The following PCNX2 variants were observed in gnomAD, a reference collection of about 807,000 sequenced individuals.
PCNX2 encodes the protein pecanex 2, also known as pecanex-like protein 2.
A neutral mutation model predicts 223.8 loss-of-function variants in PCNX2; 168 were observed. The observed-to-expected ratio is 0.75, with a 90% CI of 0.66 to 0.85. The LOEUF (loss-of-function observed/expected upper bound fraction) is 0.85. Among genes scored for constraint, PCNX2 ranks in the 40% least tolerant of loss-of-function variants. The pLI, the probability that PCNX2 is intolerant of heterozygous loss-of-function variation, is 0.00. For synonymous variants in PCNX2, 1,006 were observed against 1,052.6 expected, an observed-to-expected ratio of 0.96 and a Z score of 0.86; for missense variants, 2,507 against 2,675.5, an observed-to-expected ratio of 0.94 and a Z score of 1.39.
intron 17 of PCNX2, among the ~76,000 whole-genome samples, chr1:233,173,964 A>G (rs542470938): frequency 2.0e-5 from 3 of 150,908 alleles, no homozygotes; most frequent in African/African-American, 7.3e-5. Flanking sequence ...TTTTATATAC[A>G]CATATAAATC....
At position 233,170,759 on chromosome 1, in the gene PCNX2, T is replaced by A. The variant is rs576377602; in HGVS notation, c.3273+7043A>T. ...AGTATAGTATGACATATTAGTCCAA[T>A]TTCCTTTTGTTATTTGTGAATCACT... On this transcript the variant is annotated intron_variant, in intron 17 of 33. Coordinates refer to ENST00000258229, the MANE Select transcript of PCNX2 (RefSeq NM_014801.4). Among the ~76,000 whole-genome samples the A allele has an allele frequency of 9.2e-5, 14 of 152,354 alleles. No individual in the cohort carries two copies. In the East Asian group the frequency reaches 2.5e-3, roughly 27 times the overall value.
chr1:233,174,339 C>T (rs1334665428), intron 17 of PCNX2, among the ~76,000 whole-genome samples: 2 of 146,188 alleles, frequency 1.4e-5, no homozygotes, highest in African/African-American at 5.0e-5. Flanking sequence ...TTTAGAAGTT[C>T]TGGCCAGTGT....
chr1:233,066,786 C>A (rs1461792231), intron 23 of PCNX2, among the ~76,000 whole-genome samples: 2 of 152,162 alleles, frequency 1.3e-5, no homozygotes, highest in Non-Finnish European at 2.9e-5. Flanking sequence ...TCCTCCCTTG[C>A]CAGGCAATAA....
chr1:233,165,517 C>G (rs1447977093), intron 17 of PCNX2, among the ~76,000 whole-genome samples: 2 of 152,108 alleles, frequency 1.3e-5, no homozygotes, highest in Non-Finnish European at 2.9e-5. Context: ...GGTTGAGAAA[C>G]CTTAATGGAG....
intron 21 of PCNX2, 161 bp downstream of exon 21, chr1:233,134,852 T>C: frequency 3.1e-6 from 2 of 648,564 alleles, no homozygotes; most frequent in Non-Finnish European, 5.2e-6. Flanking sequence ...CCATGGGCAG[T>C]TTTCCCCAAA....
chr1:233,182,694 T>C (rs1679872118), intron 15 of PCNX2, among the ~76,000 whole-genome samples: 1 of 152,102 alleles, frequency 6.6e-6, no homozygotes, highest in East Asian at 1.9e-4. Context: ...TTTGCCTACA[T>C]GGTTCCATCT....
intron 7 of PCNX2, among the ~76,000 whole-genome samples, 154 bp downstream of exon 7, chr1:233,252,200 A>G (rs1659496780): frequency 6.6e-6 from 1 of 152,376 alleles, no homozygotes; most frequent in East Asian, 1.9e-4. Context: ...GATGGGAGGC[A>G]GCACACTCCA....
intron 25 of PCNX2, among the ~76,000 whole-genome samples, chr1:233,038,382 A>G (rs1671530273): frequency 6.6e-6 from 1 of 152,210 alleles, no homozygotes; most frequent in Non-Finnish European, 1.5e-5. Context: ...ATTAAAGAAT[A>G]TTTAATTTGC....
rs573804854 is a variant in PCNX2, at chr1:233,231,726, T to C, written c.2359-4355A>G. On this transcript the variant is annotated intron_variant, in intron 9 of 33. Coordinates refer to ENST00000258229, the MANE Select transcript of PCNX2 (RefSeq NM_014801.4). ...GTGTAACTCCTAACAGCTATCAAAC[T>C]CAGCACTGGGAAGGCAGGGTTGGTA... 12 of 936,618 alleles carry C rather than the reference T, an allele frequency of 1.3e-5. No individual in the cohort carries two copies. In the East Asian group the frequency reaches 1.2e-3, roughly 91 times the overall value. 58.0% of individuals were successfully genotyped at this position (936,618 alleles called of 1,614,324 possible).
chr1:233,296,082 T>C (rs1247388219), upstream of PCNX2, among the ~76,000 whole-genome samples: 3 of 150,364 alleles, frequency 2.0e-5, no homozygotes, highest in Non-Finnish European at 4.4e-5. Flanking sequence ...GGTGTTCTCA[T>C]GCAGAAGGCA....
At chr1:233,043,253 C>A (rs1671705826) in intron 25 of PCNX2, among the ~76,000 whole-genome samples, 1 of 152,166 alleles carries the variant, frequency 6.6e-6, no homozygotes, top group Non-Finnish European at 1.5e-5. Flanking sequence ...GGATAATCAA[C>A]CCTCACTTTC....
intron 15 of PCNX2, among the ~76,000 whole-genome samples, chr1:233,186,835 C>T (rs753992757): frequency 1.3e-5 from 2 of 152,040 alleles, no homozygotes; most frequent in African/African-American, 4.8e-5. Flanking sequence ...GACAGAATAA[C>T]GGGTCCCACG....
chr1:233,251,835 T>C (rs574221542), intron 7 of PCNX2, among the ~76,000 whole-genome samples: 1 of 152,370 alleles, frequency 6.6e-6, no homozygotes, highest in Non-Finnish European at 1.5e-5. Context: ...ACTTTGAACT[T>C]GCCACTTTAT....
At chr1:233,062,480 T>A (rs181351134) in intron 23 of PCNX2, among the ~76,000 whole-genome samples, 8 of 152,328 alleles carry the variant, frequency 5.3e-5, no homozygotes, top group African/African-American at 1.9e-4. Context: ...ACTTAATGCA[T>A]TGATATTCAT....
intron 13 of PCNX2, among the ~76,000 whole-genome samples, chr1:233,207,778 A>G (rs1168983715): frequency 6.6e-6 from 1 of 152,086 alleles, no homozygotes; most frequent in Non-Finnish European, 1.5e-5. Context: ...GTTTAAACAG[A>G]GCGTTTTATA....
intron 27 of PCNX2, 91 bp from the exon 28 acceptor site, chr1:233,014,868 AGTCAGCCACGTG>A (rs1670594862): frequency 9.9e-7 from 1 of 1,007,456 alleles, no homozygotes; most frequent in South Asian, 1.4e-5. Flanking sequence ...TGGCTTTGTA[AGTCAGCCACGTG>A]GTCATCCAGT....
At chr1:233,302,645 C>CGTATATAT in the PCNX2 span, among the ~76,000 whole-genome samples, 1 of 147,468 alleles carries the variant, frequency 6.8e-6, no homozygotes, top group African/African-American at 2.5e-5. Flanking sequence ...CTCCTTCCAT[C>CGTATATAT]ATATATATAT....
Position 233,126,518 on chromosome 1 carries a change from T to C in PCNX2, c.3837+8495A>G, listed in dbSNP as rs1676109472. 1.2e-5 allele frequency among the ~76,000 whole-genome samples: 1 copy of C among 86,116 alleles called. No homozygotes were observed. The highest frequency in any genetic ancestry group is 2.6e-5 in the Non-Finnish European group (1 of 38,168). 56.5% of individuals were successfully genotyped at this position (86,116 alleles called of 152,430 possible). On this transcript the variant is annotated intron_variant, in intron 21 of 33. Transcript: ENST00000258229. This position sits in a 1 kb window ranked among gnomAD's most constrained non-coding sequence, Gnocchi z 4.8. ...AATTTGTGTGGTGTGTGTGTGTGTT[T>C]GTGTGTGTGTGTGTGTGTGTAAATA... is the stretch of plus-strand genomic sequence containing the variant.
intron 1 of PCNX2, among the ~76,000 whole-genome samples, chr1:233,282,231 C>T (rs1349513731): frequency 6.6e-6 from 1 of 152,194 alleles, no homozygotes; most frequent in Non-Finnish European, 1.5e-5. Flanking sequence ...TGCCCTGCCT[C>T]TGAGTGTAGC....
Sources: gnomAD v4.1 joint callset for allele counts (sites outside exome capture counted in the v4.1 genomes callset) on GRCh38, gnomAD v4.1.1 for gene constraint, Gnocchi (gnomAD v3.1) non-coding constraint, MANE v1.5 for transcripts, NCBI Gene and HGNC (gene_info 2026-07-23, HGNC 2026-07-21) for gene names.